LYPD6B: variants seen among roughly 807,000 people sequenced by gnomAD.
LYPD6B encodes ly6/PLAUR domain-containing protein 6B.
LYPD6B carries 17 observed loss-of-function variants against 22.8 expected under a neutral mutation model. The ratio of observed to expected loss-of-function variants is 0.75; its 90% CI spans 0.51 to 1.12. The LOEUF is 1.12. Ranked by LOEUF, LYPD6B falls within the 50% of genes most tolerant of loss-of-function variation. The pLI, the probability that LYPD6B is intolerant of heterozygous loss-of-function variation, is 0.00. For missense variants in LYPD6B, 221 were observed against 258.3 expected (o/e 0.86, Z 0.99); for synonymous variants, 106 against 91.6 (o/e 1.16, Z -0.90).
chr2:149,040,441 G>A lies in LYPD6B; in HGVS notation c.-67+1640G>A, dbSNP rs542614791. Reference sequence around the variant, plus strand: ...AGGTTTCACCATGTTGGCCAGGCTGGTCTCGAACTCCTAACCTCAAGTGAT... The same window carrying A: ...AGGTTTCACCATGTTGGCCAGGCTGATCTCGAACTCCTAACCTCAAGTGAT... On this transcript the variant is annotated intron_variant, in intron 1 of 6. Transcript: ENST00000409642. Among the ~76,000 whole-genome samples, 8 of 152,192 alleles carry A rather than the reference G, an allele frequency of 5.3e-5. No individual in the cohort carries two copies. In the South Asian group the frequency reaches 1.5e-3, roughly 28 times the overall value.
At chr2:149,087,827 A>C (rs1339372325) in intron 1 of LYPD6B, among the ~76,000 whole-genome samples, 2 of 152,206 alleles carry the variant, frequency 1.3e-5, no homozygotes, top group Non-Finnish European at 2.9e-5. Flanking sequence ...ATCAGAGCCT[A>C]TGTAAACAGA....
chr2:149,147,806 G>A (rs530424608), intron 2 of LYPD6B, among the ~76,000 whole-genome samples: 26 of 152,054 alleles, frequency 1.7e-4, no homozygotes, highest in Non-Finnish European at 3.2e-4. Context: ...GAGCCACTGC[G>A]CCCAGCCTTG....
rs115934590 is a variant in LYPD6B, at chr2:149,156,884, T to C, written c.6-3880T>C. ...ATAAAACTTGATTGCCTTATTGGGG[T>C]TCTTACCTTTGAGAATTGGATTCAG... On this transcript the variant is annotated intron_variant, in intron 2 of 6. Transcript: ENST00000409642. Among the ~76,000 whole-genome samples the C allele has an allele frequency of 1.1e-3, 170 of 152,300 alleles. 1 individual carries two copies. The highest frequency in any genetic ancestry group is 2.5e-3 in the African/African-American group (105 of 41,560).
chr2:149,114,459 G>A (rs1235552632), intron 1 of LYPD6B, among the ~76,000 whole-genome samples: 2 of 152,142 alleles, frequency 1.3e-5, no homozygotes, highest in Non-Finnish European at 2.9e-5. Context: ...GAAGGAAATT[G>A]TACCTTAAGG....
chr2:149,150,138 T>C (rs1689278758), intron 2 of LYPD6B, among the ~76,000 whole-genome samples: 6 of 152,224 alleles, frequency 3.9e-5, no homozygotes. Context: ...GAGGTTATTA[T>C]TGACTGAGCA....
At chr2:149,095,058 G>A (rs1209032733) in intron 1 of LYPD6B, among the ~76,000 whole-genome samples, 4 of 152,192 alleles carry the variant, frequency 2.6e-5, no homozygotes, top group Admixed American at 2.6e-4. Context: ...CACTTTGGGA[G>A]GTCGAGGTGG....
intron 4 of LYPD6B, among the ~76,000 whole-genome samples, chr2:149,206,390 A>G (rs140234386): frequency 1.5e-3 from 228 of 152,228 alleles, no homozygotes; most frequent in African/African-American, 5.2e-3. Context: ...GTGTGCATAT[A>G]TACACATGTA....
intron 1 of LYPD6B, among the ~76,000 whole-genome samples, chr2:149,060,985 C>T (rs1048366735): frequency 6.6e-6 from 1 of 152,166 alleles, no homozygotes; most frequent in Non-Finnish European, 1.5e-5. Flanking sequence ...TAGAACTTAA[C>T]CTTTGGGCCT....
At chr2:149,209,838 C>T (rs1693735059) in intron 5 of LYPD6B, among the ~76,000 whole-genome samples, 2 of 152,224 alleles carry the variant, frequency 1.3e-5, no homozygotes, top group Admixed American at 6.5e-5. Flanking sequence ...GTCAAGGGAT[C>T]ATCCTTAAGT....
chr2:149,082,047 T>A (rs1416602560), intron 1 of LYPD6B, among the ~76,000 whole-genome samples: 1 of 152,202 alleles, frequency 6.6e-6, no homozygotes, highest in Admixed American at 6.5e-5. Flanking sequence ...ACTTCTTTTT[T>A]ACACATGTTC....
At chr2:149,103,297 C>T (rs1205942106) in intron 1 of LYPD6B, among the ~76,000 whole-genome samples, 1 of 152,178 alleles carries the variant, frequency 6.6e-6, no homozygotes, top group Non-Finnish European at 1.5e-5. Context: ...GATATAATCT[C>T]AGAAAACTGC....
intron 1 of LYPD6B, among the ~76,000 whole-genome samples, chr2:149,047,840 T>C (rs1683381917): frequency 6.6e-6 from 1 of 152,192 alleles, no homozygotes; most frequent in Non-Finnish European, 1.5e-5. Context: ...TCTCTTCTTA[T>C]TTAGTTTGGG....
intron 3 of LYPD6B, among the ~76,000 whole-genome samples, chr2:149,173,724 G>A (rs962830803): frequency 5.3e-5 from 8 of 152,088 alleles, no homozygotes; most frequent in Non-Finnish European, 1.0e-4. Flanking sequence ...TTGACTTTAC[G>A]TTATGATACA....
intron 2 of LYPD6B, among the ~76,000 whole-genome samples, chr2:149,131,746 A>C (rs1445455847): frequency 6.6e-6 from 1 of 152,210 alleles, no homozygotes; most frequent in Non-Finnish European, 1.5e-5. Flanking sequence ...ATCTTAAGTC[A>C]GTCTCTTGTG....
At chr2:149,212,884 GCC>G in intron 5 of LYPD6B, 106 bp from the exon 6 acceptor site, 2 of 1,114,828 alleles carry the variant, frequency 1.8e-6, no homozygotes, top group Non-Finnish European at 2.5e-6. Flanking sequence ...CCCAGGACTG[GCC>G]TGAATTTGAG....
chr2:149,075,947 A>G (rs1026638770), intron 1 of LYPD6B, among the ~76,000 whole-genome samples: 3 of 152,238 alleles, frequency 2.0e-5, no homozygotes, highest in African/African-American at 7.2e-5. Flanking sequence ...AAGCCTCAGA[A>G]ACTATGGCCA....
At chr2:149,154,525 ATTCAGATTATG>A (rs1689575397) in intron 2 of LYPD6B, among the ~76,000 whole-genome samples, 6 of 152,172 alleles carry the variant, frequency 3.9e-5, no homozygotes, top group East Asian at 3.9e-4. Flanking sequence ...TAGGAAACTA[ATTCAGATTATG>A]TTCAGATTTA....
intron 3 of LYPD6B, among the ~76,000 whole-genome samples, chr2:149,172,378 G>T (rs1256212539): frequency 6.6e-6 from 1 of 152,108 alleles, no homozygotes. Context: ...TTACATTAAG[G>T]TATCAGCAGC....
chr2:149,206,426 C>T (rs936982216), intron 4 of LYPD6B, among the ~76,000 whole-genome samples: 1 of 152,064 alleles, frequency 6.6e-6, no homozygotes, highest in East Asian at 1.9e-4. Flanking sequence ...CATATACTTA[C>T]ATATACTACA....
Sources: allele counts gnomAD v4.1 joint callset (sites outside exome capture counted in the v4.1 genomes callset), GRCh38; gene constraint gnomAD v4.1.1; transcripts MANE v1.5; gene names NCBI Gene and HGNC (gene_info 2026-07-23, HGNC 2026-07-21).